Variants in UBE4B observed in about 807,000 individuals in gnomAD.
UBE4B encodes the protein ubiquitination factor E4B.
A neutral mutation model predicts 148.1 loss-of-function variants in UBE4B; 27 were observed. That is an observed-to-expected ratio of 0.18 (90% CI 0.13 to 0.25). The LOEUF is 0.25. Among genes scored for constraint, UBE4B ranks in the 10% least tolerant of loss-of-function variants. The pLI is 1.00. For synonymous variants in UBE4B, 596 were observed against 619.3 expected, an observed-to-expected ratio of 0.96 and a Z score of 0.56; for missense variants, 1,170 against 1,662.4, an observed-to-expected ratio of 0.70 and a Z score of 5.15.
chr1:10,178,403 C>T (rs1215855320), intron 25 of UBE4B, among the ~76,000 whole-genome samples: 2 of 152,076 alleles, frequency 1.3e-5, no homozygotes, highest in African/African-American at 2.4e-5. Context: ...GGAGTGACCT[C>T]GTACAGTTTG....
Position 10,119,626 on chromosome 1 carries a change from G to C in UBE4B, c.1439+13G>C, listed in dbSNP as rs1337400176. 1 of 1,609,442 alleles carries C rather than the reference G, an allele frequency of 6.2e-7. No homozygotes were observed. The highest frequency in any genetic ancestry group is 1.7e-4 in the Middle Eastern group (1 of 6,058). On this transcript the variant is annotated intron_variant, in intron 9 of 27. Transcript: ENST00000343090. ...TAACACAGCCCAGGTATGAAGACCC[G>C]TGACGTGCTTGACATTAGCAGGCAG...
rs1645631572 is a variant in UBE4B at position 10,133,631 on chromosome 1, C to T, written c.2025+1149C>T. ...GAGGGAAATAAAGAGGAGAAAGAGG[C>T]CGGGCATGGTGGCTCACGCCTGTAA... On this transcript the variant is annotated intron_variant, in intron 15 of 27. Transcript: ENST00000343090. 2.0e-5 allele frequency among the ~76,000 whole-genome samples: 3 copies of T among 152,158 alleles called. No homozygotes were observed. In the South Asian group the frequency reaches 6.2e-4, roughly 31 times the overall value.
chr1:10,121,171 C>T (rs1391626103), intron 9 of UBE4B, among the ~76,000 whole-genome samples: 1 of 151,974 alleles, frequency 6.6e-6, no homozygotes, highest in East Asian at 1.9e-4. Flanking sequence ...TTGGGACCAA[C>T]ATGGTGAAAC....
rs766800561 is a variant in UBE4B at position 10,132,445 on chromosome 1, C to T, written c.1988C>T (p.Ala663Val). The change falls in exon 15 of 28, where the codon GCT (alanine) becomes GTT (valine). Residue 663 changes from alanine (A) to valine (V), a missense_variant. By Grantham distance (64) the Ala-to-Val change is moderately conservative. This residue lies in a region of UBE4B where 388 missense variants were observed against 536.0 expected (regional missense o/e 0.72). Coordinates refer to ENST00000343090, the MANE Select transcript of UBE4B (RefSeq NM_001105562.3). ...GAGGCTGCTCTCAGTTACATGGCGG[C>T]TGTCGTCAATGCCAATATGAAGAAA... ...TREAALSYMA[A>V]VVNANMKKAQ... is the part of the protein sequence containing the mutation. 6.2e-7 allele frequency: 1 copy of T among 1,614,184 alleles called. No homozygotes were observed. The highest frequency in any genetic ancestry group is 1.1e-5 in the South Asian group (1 of 91,088).
At chr1:10,122,531 A>G (rs1453626015) in intron 10 of UBE4B, among the ~76,000 whole-genome samples, 1 of 152,254 alleles carries the variant, frequency 6.6e-6, no homozygotes, top group Non-Finnish European at 1.5e-5. Flanking sequence ...CCACTAGGAA[A>G]GATGTCTCAT....
chr1:10,069,121 C>T (rs1329396474), intron 1 of UBE4B, among the ~76,000 whole-genome samples: 1 of 152,158 alleles, frequency 6.6e-6, no homozygotes, highest in Non-Finnish European at 1.5e-5. Context: ...AACATTTATT[C>T]TCTGTTTATA....
At chr1:10,162,007 T>C (rs1646169648) in intron 23 of UBE4B, among the ~76,000 whole-genome samples, 1 of 151,626 alleles carries the variant, frequency 6.6e-6, no homozygotes, top group South Asian at 2.1e-4. Context: ...TTCTTTTTTT[T>C]TTTTTTTTGA....
chr1:10,177,138 T>C (rs1162324992), intron 25 of UBE4B, among the ~76,000 whole-genome samples: 1 of 152,156 alleles, frequency 6.6e-6, no homozygotes, highest in Non-Finnish European at 1.5e-5. Context: ...ATGATACATG[T>C]ATCATTGGAT....
intron 4 of UBE4B, among the ~76,000 whole-genome samples, chr1:10,101,809 G>T (rs962751940): frequency 3.3e-5 from 5 of 152,088 alleles, no homozygotes; most frequent in Non-Finnish European, 7.4e-5. Flanking sequence ...GCCTGGCCTG[G>T]TCTTTTGCTT....
intron 3 of UBE4B, among the ~76,000 whole-genome samples, chr1:10,097,358 A>T (rs1046325489): frequency 6.6e-6 from 1 of 152,176 alleles, no homozygotes; most frequent in Non-Finnish European, 1.5e-5. Flanking sequence ...AAAAGAAAAA[A>T]AAGACAACAG....
chr1:10,145,103 A>G (rs1645847587), intron 18 of UBE4B, 64 bp downstream of exon 18: 2 of 1,336,256 alleles, frequency 1.5e-6, no homozygotes, highest in East Asian at 2.3e-5. Context: ...CCAACAGAAT[A>G]TATGCCTTGA....
At chr1:10,129,556 G>T in intron 12 of UBE4B, 108 bp downstream of exon 12, 1 of 1,131,582 alleles carries the variant, frequency 8.8e-7, no homozygotes, top group Non-Finnish European at 1.3e-6. Context: ...GGACATTTAG[G>T]TGTAGGCGGA....
At chr1:10,107,341 G>GTGA in intron 7 of UBE4B, 1 of 1,289,246 alleles carries the variant, frequency 7.8e-7, no homozygotes, top group South Asian at 1.2e-5. Context: ...GGTGGTGGTG[G>GTGA]TGATGATTTT....
intron 23 of UBE4B, among the ~76,000 whole-genome samples, chr1:10,164,062 C>T (rs539504001): frequency 1.3e-5 from 2 of 151,484 alleles, no homozygotes; most frequent in Non-Finnish European, 2.9e-5. Context: ...GAGTCTTGAC[C>T]GGGCACAGTG....
chr1:10,149,274 T>C lies in UBE4B; in HGVS notation c.2682T>C (p.Phe894=). Residue 894 remains phenylalanine (F), a synonymous_variant, in exon 20 of 28, where the codon TTT becomes TTC. Coordinates refer to ENST00000343090, the MANE Select transcript of UBE4B (RefSeq NM_001105562.3). ...YVEDVAEFLF[F]IVQYSPQALY... ...AAGATGTTGCAGAATTTTTATTTTT[T>C]ATTGTACAGTAAGTGCCTTTAATAT... 6.2e-7 allele frequency: 1 copy of C among 1,606,210 alleles called. No homozygotes were observed. Among genetic ancestry groups the C allele is most frequent in the Non-Finnish European group, 8.5e-7 (1 of 1,176,724 alleles).
chr1:10,081,484 A>G (rs561827640), intron 2 of UBE4B, among the ~76,000 whole-genome samples: 69 of 151,704 alleles, frequency 4.5e-4, no homozygotes, highest in African/African-American at 1.3e-3. Flanking sequence ...GAGTGCAGCA[A>G]TGGAATCTCG....
chr1:10,179,393 T>A, intron 26 of UBE4B, 23 bp from the exon 27 acceptor site: 1 of 1,610,680 alleles, frequency 6.2e-7, no homozygotes, highest in Non-Finnish European at 8.5e-7. Context: ...TAGATTAGAG[T>A]TTGCTTTGCT....
In UBE4B at chr1:10,130,735, C is replaced by T; in HGVS notation, c.1833C>T (p.Tyr611=). 6.2e-7 allele frequency: 1 copy of T among 1,614,156 alleles called. No homozygotes were observed. ...AEDDVKVVEK[Y]FSGPAITLEN... is the part of the protein sequence containing the mutation. The stretch of plus-strand genomic sequence containing the variant: ...TCCAGGTTAAAGTGGTTGAAAAATA[C>T]TTCTCAGGGCCTGCCATTACCCTGG... Residue 611 remains tyrosine, a synonymous_variant, in exon 14 of 28, where the codon TAC becomes TAT. Transcript: ENST00000343090.
At chr1:10,050,157 C>T (rs1644003661) in intron 1 of UBE4B, among the ~76,000 whole-genome samples, 2 of 152,066 alleles carry the variant, frequency 1.3e-5, no homozygotes, top group African/African-American at 2.4e-5. Flanking sequence ...CTGCAACCTC[C>T]ACTTCTGGGG....
Sources: allele counts gnomAD v4.1 joint callset (sites outside exome capture counted in the v4.1 genomes callset), GRCh38; gene constraint gnomAD v4.1.1; regional missense constraint gnomAD v4.1.1; transcripts MANE v1.5; gene names NCBI Gene and HGNC (gene_info 2026-07-23, HGNC 2026-07-21).